The following KDM2B variants were observed in gnomAD, a reference collection of about 807,000 sequenced individuals.
The protein encoded by KDM2B is lysine demethylase 2B, also known as lysine-specific demethylase 2B.
Under a neutral mutation model 150.0 loss-of-function variants are expected in KDM2B, and 26 were observed. That is an observed-to-expected ratio of 0.17 (90% CI 0.13 to 0.24). KDM2B has a LOEUF of 0.24. Among genes scored for constraint, KDM2B ranks in the 10% least tolerant of loss-of-function variants. KDM2B has a pLI of 1.00. For missense variants in KDM2B, 1,265 were observed against 1,816.9 expected (o/e 0.70, Z 5.52); for synonymous variants, 734 against 729.5 (o/e 1.01, Z -0.10).
the KDM2B span, among the ~76,000 whole-genome samples, chr12:121,415,564 C>T: frequency 3.3e-5 from 5 of 152,000 alleles, no homozygotes; most frequent in Admixed American, 6.6e-5. Context: ...TGCAGTGAGC[C>T]GAGATTGCGC....
chr12:121,577,151 G>A (rs1555316975), intron 2 of KDM2B, among the ~76,000 whole-genome samples: 1 of 152,146 alleles, frequency 6.6e-6, no homozygotes, highest in African/African-American at 2.4e-5. Flanking sequence ...AAAGAAGCCG[G>A]GAGAGCAGAT....
At chr12:121,534,749 TC>T in intron 6 of KDM2B, 159 bp from the exon 7 acceptor site, 1 of 592,346 alleles carries the variant, frequency 1.7e-6, no homozygotes, top group East Asian at 2.9e-5. Context: ...TAATCGGAGT[TC>T]CCCACGGGGG....
intron 8 of KDM2B, 69 bp downstream of exon 8, chr12:121,532,736 AG>A (rs1368706978): frequency 3.3e-6 from 5 of 1,524,692 alleles, no homozygotes; most frequent in Non-Finnish European, 4.5e-6. Context: ...AGCAACCCTC[AG>A]GGGGCCTAAA....
chr12:121,502,771 A>C (rs1439266688), intron 11 of KDM2B, among the ~76,000 whole-genome samples: 5 of 143,924 alleles, frequency 3.5e-5, no homozygotes, highest in Admixed American at 6.7e-5. Context: ...AAAAAAAAAA[A>C]AAAAAAAAAA....
At chr12:121,516,950 T>C (rs1886262757) in intron 9 of KDM2B, 3 of 633,234 alleles carry the variant, frequency 4.7e-6, no homozygotes, top group Admixed American at 2.8e-5. Context: ...TTATTTGCAA[T>C]TTCCAAATAG....
intron 8 of KDM2B, among the ~76,000 whole-genome samples, chr12:121,525,404 TCACAGGCA>T (rs1486946089): frequency 1.3e-5 from 2 of 151,994 alleles, no homozygotes; most frequent in African/African-American, 4.8e-5. Flanking sequence ...GTAGCTGGAA[TCACAGGCA>T]CACAAATTTT....
chr12:121,579,656 TC>T (rs1891791982), intron 1 of KDM2B: 1 of 1,356,852 alleles, frequency 7.4e-7, no homozygotes, highest in South Asian at 1.2e-5. Context: ...CACACTCACT[TC>T]CTAAGGAGAC....
rs1555295170 is a variant in KDM2B at position 121,467,640 on chromosome 12, G to A, written c.1735-14296C>T. 1 of 151,080 alleles carries A rather than the reference G, an allele frequency of 6.6e-6. No homozygotes were observed. Among genetic ancestry groups the A allele is most frequent in the African/African-American group, 2.4e-5 (1 of 41,268 alleles). 9.4% of individuals were successfully genotyped at this position (151,080 alleles called of 1,614,324 possible). A position where few individuals can be genotyped will look rare whatever the true frequency, so the allele number is the denominator to read the frequency against. On this transcript the variant is annotated intron_variant, in intron 12 of 22. Coordinates refer to ENST00000377071, the MANE Select transcript of KDM2B (RefSeq NM_032590.5). This position sits in a 1 kb window ranked among gnomAD's most constrained non-coding sequence, Gnocchi z 5.1. ...GGCCCGGCCTGGCCCGCGCGCCGCG[G>A]GATGCACATGGGTGGCTGCACGCCG...
At chr12:121,455,172 G>T (rs1478097245) in intron 12 of KDM2B, among the ~76,000 whole-genome samples, 2 of 152,192 alleles carry the variant, frequency 1.3e-5, no homozygotes, top group African/African-American at 4.8e-5. Flanking sequence ...AAGCACTGGA[G>T]CTCTGGGCCT....
At chr12:121,570,260 C>CATGTG (rs1891000211) in intron 4 of KDM2B, among the ~76,000 whole-genome samples, 1 of 152,044 alleles carries the variant, frequency 6.6e-6, no homozygotes, top group African/African-American at 2.4e-5. Context: ...CCATGTTGAC[C>CATGTG]AGGCTGGTCT....
intron 6 of KDM2B, among the ~76,000 whole-genome samples, chr12:121,544,932 A>T (rs1328589869): frequency 1.3e-5 from 2 of 152,136 alleles, no homozygotes; most frequent in Non-Finnish European, 2.9e-5. Context: ...AAATTAAAAA[A>T]TTTTTAAAAA....
the KDM2B span, among the ~76,000 whole-genome samples, chr12:121,410,334 C>T: frequency 6.6e-6 from 1 of 151,936 alleles, no homozygotes; most frequent in African/African-American, 2.4e-5. Flanking sequence ...GTCAGGAGTT[C>T]GAGACCAGCC....
chr12:121,562,495 C>A (rs1555313999), intron 4 of KDM2B, among the ~76,000 whole-genome samples: 1 of 151,966 alleles, frequency 6.6e-6, no homozygotes, highest in African/African-American at 2.4e-5. Context: ...AAAAAAAAGT[C>A]TGGGGACAAG....
chr12:121,555,256 T>C (rs1889806397), intron 4 of KDM2B, among the ~76,000 whole-genome samples: 1 of 152,208 alleles, frequency 6.6e-6, no homozygotes, highest in South Asian at 2.1e-4. Flanking sequence ...TGTTTAATCA[T>C]ATCATTTAGT....
At chr12:121,567,865 AT>A (rs1195173913) in intron 4 of KDM2B, among the ~76,000 whole-genome samples, 1 of 151,818 alleles carries the variant, frequency 6.6e-6, no homozygotes, top group Non-Finnish European at 1.5e-5. Flanking sequence ...AGTAGCTGGG[AT>A]TACAGCTGTG....
At chr12:121,459,425 TTAG>T (rs1289969671) in intron 12 of KDM2B, among the ~76,000 whole-genome samples, 19 of 152,136 alleles carry the variant, frequency 1.2e-4, no homozygotes, top group African/African-American at 4.6e-4. Context: ...TATAAACCTC[TTAG>T]AAGAAAACAC....
intron 11 of KDM2B, among the ~76,000 whole-genome samples, chr12:121,495,146 G>A (rs986180372): frequency 3.3e-5 from 5 of 151,440 alleles, no homozygotes; most frequent in Admixed American, 2.6e-4. Context: ...ACAGGTGCAT[G>A]GCACCCTCCC....
chr12:121,497,015 C>CTT (rs147588709), intron 11 of KDM2B, among the ~76,000 whole-genome samples: 2 of 142,586 alleles, frequency 1.4e-5, no homozygotes, highest in East Asian at 2.0e-4. Context: ...CATGATTTTT[C>CTT]TTTTTTTTTT....
chr12:121,450,334 A>G (rs994974396), intron 13 of KDM2B, among the ~76,000 whole-genome samples: 7 of 152,016 alleles, frequency 4.6e-5, no homozygotes, highest in African/African-American at 7.2e-5. Context: ...AAGAAAGAAA[A>G]AAAAGAAAAG....
Sources: allele counts gnomAD v4.1 joint callset (sites outside exome capture counted in the v4.1 genomes callset), GRCh38; gene constraint gnomAD v4.1.1; non-coding constraint Gnocchi (gnomAD v3.1); transcripts MANE v1.5; gene names NCBI Gene and HGNC (gene_info 2026-07-23, HGNC 2026-07-21).